The following METAP2 variants were observed in gnomAD, a reference collection of about 807,000 sequenced individuals.
METAP2 encodes the protein methionyl aminopeptidase 2.
A neutral mutation model predicts 59.4 loss-of-function variants in METAP2; 25 were observed. That is an observed-to-expected ratio of 0.42 (90% CI 0.31 to 0.59). The LOEUF is 0.59. Ranked by LOEUF, METAP2 falls within the 20% of genes least tolerant of loss-of-function variation. The pLI is 0.16. For missense variants in METAP2, 366 were observed against 581.2 expected, an observed-to-expected ratio of 0.63 and a Z score of 3.81; for synonymous variants, 214 against 194.1, an observed-to-expected ratio of 1.10 and a Z score of -0.85.
intron 8 of METAP2, among the ~76,000 whole-genome samples, chr12:95,509,099 G>A (rs2076382914): frequency 6.6e-6 from 1 of 152,164 alleles, no homozygotes; most frequent in African/African-American, 2.4e-5. Flanking sequence ...CAAATTACTG[G>A]TCCCAGAATT....
At chr12:95,478,516 C>T (rs2076136689) in intron 2 of METAP2, among the ~76,000 whole-genome samples, 1 of 152,070 alleles carries the variant, frequency 6.6e-6, no homozygotes, top group Non-Finnish European at 1.5e-5. Flanking sequence ...CCTGTAATCC[C>T]AGCTACTCGG....
At chr12:95,478,357 G>T (rs1367723112) in intron 2 of METAP2, among the ~76,000 whole-genome samples, 1 of 152,198 alleles carries the variant, frequency 6.6e-6, no homozygotes, top group African/African-American at 2.4e-5. Context: ...TAGACCAGGT[G>T]TGTTAGCTCT....
intron 7 of METAP2, among the ~76,000 whole-genome samples, chr12:95,496,885 C>T (rs2076279568): frequency 7.4e-6 from 1 of 135,346 alleles, no homozygotes; most frequent in Non-Finnish European, 1.5e-5. Flanking sequence ...AGTGCAGTGG[C>T]ACGATCTCGA....
chr12:95,486,688 G>A (rs559284186), intron 4 of METAP2, among the ~76,000 whole-genome samples: 15 of 151,886 alleles, frequency 9.9e-5, no homozygotes, highest in Non-Finnish European at 1.3e-4. Flanking sequence ...ATAGAGACGG[G>A]GTTCCTCCAT....
chr12:95,475,116 C>G (rs923336099), intron 1 of METAP2, among the ~76,000 whole-genome samples: 1 of 152,106 alleles, frequency 6.6e-6, no homozygotes, highest in East Asian at 1.9e-4. Context: ...TAGGAACTTA[C>G]ATATTTTGAG....
At position 95,476,151 on chromosome 12, in the gene METAP2, G is replaced by T. The variant is rs1319486910; in HGVS notation, c.232G>T (p.Asp78Tyr). ...ACAGTTGGAAAGATCAGCATTGGAA[G>T]ATAAAGAAAGAGATGAAGATGATGA... Reference protein sequence around the residue: ...ARQLERSALEDKERDEDDEDG... With the variant: ...ARQLERSALEYKERDEDDEDG... The change falls in exon 2 of 11, where the codon GAT becomes TAT. Residue 78 changes from aspartate to tyrosine, a missense_variant. Coordinates refer to ENST00000323666, the MANE Select transcript of METAP2 (RefSeq NM_006838.4). 1.2e-6 allele frequency: 2 copies of T among 1,607,850 alleles called. No homozygotes were observed. Among genetic ancestry groups the T allele is most frequent in the Non-Finnish European group, 1.7e-6 (2 of 1,176,234 alleles).
intron 3 of METAP2, chr12:95,484,992 T>C: frequency 2.4e-6 from 1 of 421,346 alleles, no homozygotes; most frequent in Non-Finnish European, 4.6e-6. Context: ...CCAAATAATA[T>C]AATCATGGGC....
At chr12:95,480,286 A>G (rs184666222) in intron 2 of METAP2, among the ~76,000 whole-genome samples, 7 of 152,292 alleles carry the variant, frequency 4.6e-5, no homozygotes, top group East Asian at 3.9e-4. Context: ...ACATTGAACA[A>G]TATTTGGGGT....
At chr12:95,475,193 A>G (rs1427437068) in intron 1 of METAP2, among the ~76,000 whole-genome samples, 1 of 152,246 alleles carries the variant, frequency 6.6e-6, no homozygotes, top group Non-Finnish European at 1.5e-5. Context: ...GTTTCTAATT[A>G]AAATCGCCAG....
chr12:95,497,912 A>G (rs1306246894), intron 7 of METAP2, among the ~76,000 whole-genome samples: 2 of 151,318 alleles, frequency 1.3e-5, no homozygotes, highest in Non-Finnish European at 2.9e-5. Context: ...TGGATCACGA[A>G]GTCAGGAGAT....
In METAP2 at chr12:95,514,078, C is replaced by G; in HGVS notation, c.*174C>G. ...AGGCAAACCGTCTAATGTAATTAAC[C>G]AACGAAAAAGCTTTCCGGACTTTTA... is the stretch of plus-strand genomic sequence containing the variant. On this transcript the variant is annotated 3_prime_UTR_variant, in exon 11 of 11. Coordinates refer to ENST00000323666, the MANE Select transcript of METAP2 (RefSeq NM_006838.4). 1 of 729,550 alleles carries G rather than the reference C, an allele frequency of 1.4e-6. No individual in the cohort carries two copies. Among genetic ancestry groups the G allele is most frequent in the Non-Finnish European group, 2.0e-6 (1 of 493,628 alleles). 45.2% of individuals were successfully genotyped at this position (729,550 alleles called of 1,614,324 possible).
intron 2 of METAP2, among the ~76,000 whole-genome samples, chr12:95,479,681 T>C (rs1009751933): frequency 2.6e-5 from 4 of 151,640 alleles, no homozygotes; most frequent in Non-Finnish European, 5.9e-5. Flanking sequence ...CGATCTCAGC[T>C]CACTGCAACC....
At position 95,505,496 on chromosome 12, in the gene METAP2, T is replaced by G. The variant is rs2076351852; in HGVS notation, c.964+1335T>G. ...CCCACCACCACGCCCGGCCAAATTT[T>G]TTTTTTTGAGATGGAGTCTTGCTCT... On this transcript the variant is annotated intron_variant, in intron 8 of 10. Coordinates refer to ENST00000323666, the MANE Select transcript of METAP2 (RefSeq NM_006838.4). Among the ~76,000 whole-genome samples the G allele has an allele frequency of 1.3e-5, 2 of 152,018 alleles. 1 individual carries two copies. The highest frequency in any genetic ancestry group is 4.8e-5 in the African/African-American group (2 of 41,412).
intron 7 of METAP2, 146 bp from the exon 8 acceptor site, chr12:95,503,919 T>C: frequency 1.6e-6 from 1 of 620,958 alleles, no homozygotes; most frequent in Non-Finnish European, 2.8e-6. Context: ...TATCCTCCCA[T>C]AATCCTCTGC....
rs201814206 is a variant in METAP2, at chr12:95,514,176, C to G, written c.*272C>G. The G allele has an allele frequency of 4.9e-6, 2 of 411,106 alleles. No homozygotes were observed. Among genetic ancestry groups the G allele is most frequent in the Non-Finnish European group, 8.6e-6 (2 of 233,676 alleles). 25.5% of individuals were successfully genotyped at this position (411,106 alleles called of 1,614,324 possible). ...TCAAATTAGTTAGGAATGACTTATA[C>G]GTTTTGTTTTGAATACCTAAGAGAT... On this transcript the variant is annotated 3_prime_UTR_variant, in exon 11 of 11. Coordinates refer to ENST00000323666, the MANE Select transcript of METAP2 (RefSeq NM_006838.4).
At chr12:95,504,270 A>G in intron 8 of METAP2, 109 bp downstream of exon 8, 1 of 733,788 alleles carries the variant, frequency 1.4e-6, no homozygotes, top group Non-Finnish European at 2.3e-6. Context: ...ATTCAAGGAA[A>G]GAAGACGGGA....
chr12:95,483,110 G>T (rs528246249), intron 2 of METAP2, 105 bp from the exon 3 acceptor site: 10 of 848,394 alleles, frequency 1.2e-5, no homozygotes, highest in Non-Finnish European at 2.0e-5. Context: ...ATAAACTAAC[G>T]TTTGTTCATT....
At chr12:95,498,932 G>A (rs771061106) in intron 7 of METAP2, among the ~76,000 whole-genome samples, 1 of 151,798 alleles carries the variant, frequency 6.6e-6, no homozygotes, top group Non-Finnish European at 1.5e-5. Flanking sequence ...GGAGGATCAC[G>A]TGAGCCCAGG....
intron 2 of METAP2, among the ~76,000 whole-genome samples, chr12:95,480,321 A>G (rs2140139094): frequency 6.6e-6 from 1 of 152,320 alleles, no homozygotes; most frequent in South Asian, 2.1e-4. Context: ...TCTGTTGTGA[A>G]CGAAGTTACT....
Sources: gnomAD v4.1 joint callset for allele counts (sites outside exome capture counted in the v4.1 genomes callset) on GRCh38, gnomAD v4.1.1 for gene constraint, MANE v1.5 for transcripts, NCBI Gene and HGNC (gene_info 2026-07-23, HGNC 2026-07-21) for gene names.